The following ACYP2 variants were observed in gnomAD, a reference collection of about 807,000 sequenced individuals.
ACYP2 encodes the protein acylphosphatase 2.
A neutral mutation model predicts 11.2 loss-of-function variants in ACYP2; 12 were observed. The ratio of observed to expected loss-of-function variants is 1.08; its 90% CI spans 0.69 to 1.74. The LOEUF (loss-of-function observed/expected upper bound fraction) is 1.74, where lower values mean the gene tolerates loss of function less well. ACYP2 is among the 40% of genes most tolerant of loss of function. The probability of loss-of-function intolerance (pLI) is 0.00; values close to 1 mark genes in which losing one functional copy is unlikely to be tolerated. For missense variants in ACYP2, 134 were observed against 101.9 expected (o/e 1.31, Z -1.35); for synonymous variants, 43 against 32.2 (o/e 1.33, Z -1.13).
At chr2:53,990,873 T>A (rs1412505336) in intron 2 of ACYP2, among the ~76,000 whole-genome samples, 1 of 151,566 alleles carries the variant, frequency 6.6e-6, no homozygotes, top group Non-Finnish European at 1.5e-5. Flanking sequence ...CTCGGCTCAC[T>A]GCCAGCTCCG....
intron 4 of ACYP2, among the ~76,000 whole-genome samples, chr2:54,109,225 C>T (rs1461932910): frequency 6.6e-6 from 1 of 152,142 alleles, no homozygotes; most frequent in African/African-American, 2.4e-5. Flanking sequence ...GAATACTACT[C>T]AGCCATAAAA....
chr2:53,983,818 C>T (rs1004551484), intron 2 of ACYP2, among the ~76,000 whole-genome samples: 1 of 152,186 alleles, frequency 6.6e-6, no homozygotes, highest in African/African-American at 2.4e-5. Flanking sequence ...GCAGAAGCAT[C>T]GGTTTGTAGA....
chr2:54,119,852 C>G (rs1000619341), intron 4 of ACYP2, among the ~76,000 whole-genome samples: 4 of 152,186 alleles, frequency 2.6e-5, no homozygotes, highest in South Asian at 4.1e-4. Flanking sequence ...AGCCCCCTTG[C>G]CTCCTCAGGC....
intron 2 of ACYP2, among the ~76,000 whole-genome samples, chr2:53,988,072 T>C (rs1314746951): frequency 2.0e-5 from 3 of 152,086 alleles, no homozygotes; most frequent in African/African-American, 7.2e-5. Context: ...TAGTGTGAGA[T>C]CTAAGAACTA....
At chr2:54,247,802 G>C (rs1477240189) in intron 6 of ACYP2, among the ~76,000 whole-genome samples, 1 of 152,146 alleles carries the variant, frequency 6.6e-6, no homozygotes, top group Non-Finnish European at 1.5e-5. Flanking sequence ...TCAGACTCTG[G>C]AGTCAGATAG....
At chr2:54,169,052 AT>A (rs1303433847) in intron 6 of ACYP2, among the ~76,000 whole-genome samples, 1 of 152,188 alleles carries the variant, frequency 6.6e-6, no homozygotes, top group Non-Finnish European at 1.5e-5. Context: ...TTACAGAAGA[AT>A]TTTTCTACCT....
intron 6 of ACYP2, among the ~76,000 whole-genome samples, chr2:54,209,574 C>G (rs1455666860): frequency 6.6e-6 from 1 of 152,208 alleles, no homozygotes; most frequent in African/African-American, 2.4e-5. Context: ...TGGAATGGTT[C>G]ATTCCTTCAT....
At chr2:54,017,596 C>G (rs565968417) in intron 2 of ACYP2, among the ~76,000 whole-genome samples, 70 of 152,228 alleles carry the variant, frequency 4.6e-4, no homozygotes, top group African/African-American at 1.7e-3. Context: ...AAAACACATT[C>G]AGCCCATAGA....
chr2:54,180,404 C>G (rs1683654900), intron 6 of ACYP2, among the ~76,000 whole-genome samples: 1 of 152,010 alleles, frequency 6.6e-6, no homozygotes, highest in Admixed American at 6.6e-5. Context: ...CTTGGTCTTT[C>G]CAGTGACCAG....
Position 54,049,415 on chromosome 2 carries a change from C to G in ACYP2, c.63-1543C>G, listed in dbSNP as rs1017557050. ...GGTTTTATGCTTTCTCTATTGGCTT[C>G]CTATCCACATGTAAATATGCTGTTT... On this transcript the variant is annotated intron_variant, in intron 2 of 6. Transcript: ENST00000607452. Among the ~76,000 whole-genome samples, 7 of 152,304 alleles carry G rather than the reference C, an allele frequency of 4.6e-5. No individual in the cohort carries two copies. In the South Asian group the frequency reaches 1.2e-3, roughly 27 times the overall value.
intron 6 of ACYP2, among the ~76,000 whole-genome samples, chr2:54,207,296 TAA>T (rs1179597218): frequency 6.6e-6 from 1 of 151,616 alleles, no homozygotes; most frequent in Non-Finnish European, 1.5e-5. Context: ...GAAATTCAAG[TAA>T]GAGTTGATAT....
At chr2:54,139,443 A>G (rs11896279) in intron 6 of ACYP2, among the ~76,000 whole-genome samples, 11,393 of 152,292 alleles carry the variant, frequency 0.075, 737 homozygotes, top group African/African-American at 0.17. Flanking sequence ...TAATATGGGG[A>G]AAAATGTCCT....
chr2:54,123,167 T>C (rs1355495293), intron 4 of ACYP2: 3 of 391,998 alleles, frequency 7.7e-6, no homozygotes, highest in Non-Finnish European at 1.3e-5. Context: ...GGGTAGAAAG[T>C]AGCCAGGAAT....
intron 2 of ACYP2, among the ~76,000 whole-genome samples, chr2:54,050,305 T>G (rs539036415): frequency 6.6e-6 from 1 of 152,150 alleles, no homozygotes; most frequent in East Asian, 1.9e-4. Flanking sequence ...CTCAGCTACT[T>G]GGGAGGCTGA....
At chr2:54,126,544 C>G (rs1336582486) in intron 4 of ACYP2, among the ~76,000 whole-genome samples, 11 of 124,910 alleles carry the variant, frequency 8.8e-5, no homozygotes, top group African/African-American at 3.3e-4. Context: ...TTTTTACATA[C>G]ATACACAATA....
chr2:54,267,085 A>G (rs1573019780), intron 6 of ACYP2, among the ~76,000 whole-genome samples: 1 of 152,316 alleles, frequency 6.6e-6, no homozygotes, highest in Middle Eastern at 3.4e-3. Context: ...TGGACAAGGT[A>G]AGATACGGAG....
At chr2:54,196,336 C>G (rs1265537238) in intron 6 of ACYP2, among the ~76,000 whole-genome samples, 1 of 152,066 alleles carries the variant, frequency 6.6e-6, no homozygotes, top group Non-Finnish European at 1.5e-5. Flanking sequence ...CCTCAGCTTC[C>G]CGAGTAACTG....
At chr2:54,082,349 G>A (rs1470739246) in intron 4 of ACYP2, among the ~76,000 whole-genome samples, 3 of 151,712 alleles carry the variant, frequency 2.0e-5, no homozygotes, top group Non-Finnish European at 2.9e-5. Flanking sequence ...AGGTTCAAGC[G>A]GTTCTCCTGG....
chr2:54,074,418 T>G (rs1437517036), intron 4 of ACYP2, among the ~76,000 whole-genome samples: 1 of 152,126 alleles, frequency 6.6e-6, no homozygotes. Context: ...GACAATACAA[T>G]GAGACCTCAT....
Sources: gnomAD v4.1 joint callset for allele counts (sites outside exome capture counted in the v4.1 genomes callset) on GRCh38, gnomAD v4.1.1 for gene constraint, MANE v1.5 for transcripts, NCBI Gene and HGNC (gene_info 2026-07-23, HGNC 2026-07-21) for gene names.